PIAS1: variants seen among roughly 807,000 people sequenced by gnomAD.
PIAS1 encodes protein inhibitor of activated STAT 1, also known as E3 SUMO-protein ligase PIAS1.
In PIAS1, 6 loss-of-function variants were observed where a neutral mutation model predicts 71.3. That is an observed-to-expected ratio of 0.08 (90% CI 0.05 to 0.17). The LOEUF (loss-of-function observed/expected upper bound fraction) is 0.17. Among genes scored for constraint, PIAS1 ranks in the 10% least tolerant of loss-of-function variants. PIAS1 has a pLI of 1.00. For synonymous variants in PIAS1, 303 were observed against 292.9 expected (o/e 1.03, Z -0.35); for missense variants, 555 against 793.6 (o/e 0.70, Z 3.61).
chr15:68,092,223 G>C (rs2092337868), intron 2 of PIAS1, among the ~76,000 whole-genome samples: 1 of 151,776 alleles, frequency 6.6e-6, no homozygotes, highest in South Asian at 2.1e-4. Flanking sequence ...GCCCAGGCTG[G>C]AGTGCAGTGG....
In PIAS1 at chr15:68,188,587, C is replaced by G. The variant is rs1442190320; in HGVS notation, c.*752C>G. 6.6e-6 allele frequency: 1 copy of G among 152,196 alleles called. No homozygotes were observed. The highest frequency in any genetic ancestry group is 1.5e-5 in the Non-Finnish European group (1 of 68,034). The allele number at this position is 152,196 out of a possible 1,614,324, so 9.4% of individuals were successfully genotyped here. A position where few individuals can be genotyped will look rare whatever the true frequency, so the allele number is the denominator to read the frequency against. Reference sequence around the variant, plus strand: ...TTATCAACTATCCCAATTGCATGTTCTCCATCACATATTCTCTTATTTGCT... The same window carrying G: ...TTATCAACTATCCCAATTGCATGTTGTCCATCACATATTCTCTTATTTGCT... On this transcript the variant is annotated 3_prime_UTR_variant, in exon 14 of 14. Transcript: ENST00000249636.
Position 68,167,872 on chromosome 15 carries a change from A to G in PIAS1, c.1008+3068A>G, listed in dbSNP as rs2092967065. Among the ~76,000 whole-genome samples the G allele has an allele frequency of 6.6e-6, 1 of 151,524 alleles. No individual in the cohort carries two copies. Among genetic ancestry groups the G allele is most frequent in the Non-Finnish European group, 1.5e-5 (1 of 67,892 alleles). On this transcript the variant is annotated intron_variant, in intron 8 of 13. Coordinates refer to ENST00000249636, the MANE Select transcript of PIAS1 (RefSeq NM_016166.3). This position sits in a 1 kb window ranked among gnomAD's most constrained non-coding sequence, Gnocchi z 4.4. The stretch of plus-strand genomic sequence containing the variant: ...AGGTGCACGCCACCACGCCTGGCTA[A>G]TTTTTTGTATTTTTAGTAGAGATGG...
intron 2 of PIAS1, among the ~76,000 whole-genome samples, chr15:68,138,682 C>A (rs2092750100): frequency 6.6e-6 from 1 of 152,138 alleles, no homozygotes. Flanking sequence ...ACCATGTTGG[C>A]CTGGCTGGTC....
At position 68,187,688 on chromosome 15, in the gene PIAS1, C is replaced by T. The variant is rs773886126; in HGVS notation, c.1809C>T (p.Thr603=). The T allele has an allele frequency of 3.1e-6, 5 of 1,613,898 alleles. No individual in the cohort carries two copies. The highest frequency in any genetic ancestry group is 2.7e-5 in the African/African-American group (2 of 74,928). ...CAGGAGGCAGTACTTCTCTGCCAAC[C>T]ACCAATGGAAGCAGTAGTGGCAGTA... The part of the protein sequence containing the change: ...LSAGGSTSLP[T]TNGSSSGSNS... The change falls in exon 14 of 14, where the codon ACC becomes ACT. Residue 603 remains threonine, a synonymous_variant. Coordinates refer to ENST00000249636, the MANE Select transcript of PIAS1 (RefSeq NM_016166.3). The surrounding 1 kb of genome is among the most constrained non-coding windows in gnomAD (Gnocchi z 5.3).
chr15:68,088,079 A>G (rs1185691069), intron 2 of PIAS1, among the ~76,000 whole-genome samples: 2 of 150,424 alleles, frequency 1.3e-5, no homozygotes, highest in Admixed American at 6.6e-5. Context: ...CTTGTTTTTT[A>G]CAGAAGGAAT....
In PIAS1 at chr15:68,193,794, C is replaced by CA. The variant is rs1436590379; in HGVS notation, c.*5960dup. 8.4e-5 allele frequency: 41 copies of CA among 487,828 alleles called. No homozygotes were observed. The highest frequency in any genetic ancestry group is 1.1e-4 in the Non-Finnish European group (31 of 271,210). 30.2% of individuals were successfully genotyped at this position (487,828 alleles called of 1,614,324 possible). On this transcript the variant is annotated 3_prime_UTR_variant, in exon 14 of 14. Coordinates refer to ENST00000249636, the MANE Select transcript of PIAS1 (RefSeq NM_016166.3). ...CTTCCATGCTTGAAAGGGCCGGACT[C>CA]ACGGTAGTTAATAAAATCAATACAA...
intron 7 of PIAS1, among the ~76,000 whole-genome samples, chr15:68,163,044 GCAGA>G (rs2141075674): frequency 6.6e-6 from 1 of 152,242 alleles, no homozygotes; most frequent in South Asian, 2.1e-4. Flanking sequence ...AAACACACTC[GCAGA>G]CACTTTCAGA....
chr15:68,126,096 T>C (rs1175351704), intron 2 of PIAS1, among the ~76,000 whole-genome samples: 1 of 152,186 alleles, frequency 6.6e-6, no homozygotes, highest in Non-Finnish European at 1.5e-5. Context: ...TTTATTGCCA[T>C]ATGAACCAAT....
chr15:68,078,361 A>G (rs141261147), intron 1 of PIAS1, among the ~76,000 whole-genome samples: 295 of 152,262 alleles, frequency 1.9e-3, no homozygotes, highest in Middle Eastern at 3.4e-3. Flanking sequence ...GCGTGTTGCC[A>G]TGTCTTTTAG....
At chr15:68,062,274 C>A (rs1463064257) in intron 1 of PIAS1, among the ~76,000 whole-genome samples, 1 of 152,144 alleles carries the variant, frequency 6.6e-6, no homozygotes, top group African/African-American at 2.4e-5. Flanking sequence ...AATGGAAAGA[C>A]CTCATCATCT....
chr15:68,088,746 G>A (rs917151417), intron 2 of PIAS1, among the ~76,000 whole-genome samples: 1 of 152,094 alleles, frequency 6.6e-6, no homozygotes, highest in Non-Finnish European at 1.5e-5. Context: ...GGTGTAGGAT[G>A]AGTATATTTT....
At chr15:68,078,408 G>T (rs777183113) in intron 1 of PIAS1, among the ~76,000 whole-genome samples, 13 of 151,970 alleles carry the variant, frequency 8.6e-5, no homozygotes, top group Non-Finnish European at 1.8e-4. Flanking sequence ...TCTTATTTCA[G>T]CCATCCTATT....
At chr15:68,130,999 T>TA (rs1044159548) in intron 2 of PIAS1, among the ~76,000 whole-genome samples, 1 of 152,178 alleles carries the variant, frequency 6.6e-6, no homozygotes, top group East Asian at 1.9e-4. Flanking sequence ...AGGGTTATAT[T>TA]ACCTAGATGA....
In PIAS1 at chr15:68,164,771, T is replaced by A. The variant is rs1367337464; in HGVS notation, c.975T>A (p.Ala325=). 5 of 1,599,620 alleles carry A rather than the reference T, an allele frequency of 3.1e-6. No individual in the cohort carries two copies. Among genetic ancestry groups the A allele is most frequent in the Non-Finnish European group, 3.4e-6 (4 of 1,170,486 alleles). Reference sequence around the variant, plus strand: ...CTGCGGATCCAGACAGTGAAATAGCTACAACCAGCCTAAGGGTTTCTCTAC... The same window carrying A: ...CTGCGGATCCAGACAGTGAAATAGCAACAACCAGCCTAAGGGTTTCTCTAC... ...KLTADPDSEI[A]TTSLRVSLLC... is the part of the protein sequence containing the mutation. The change falls in exon 8 of 14, where the codon GCT becomes GCA. Residue 325 remains alanine, a synonymous_variant. Coordinates refer to ENST00000249636, the MANE Select transcript of PIAS1 (RefSeq NM_016166.3).
intron 2 of PIAS1, among the ~76,000 whole-genome samples, chr15:68,110,092 T>G (rs982134967): frequency 6.6e-6 from 1 of 152,218 alleles, no homozygotes; most frequent in African/African-American, 2.4e-5. Context: ...GAAACCGTTT[T>G]TCCTCCAGAA....
intron 1 of PIAS1, among the ~76,000 whole-genome samples, chr15:68,061,854 C>T (rs1004130753): frequency 2.0e-5 from 3 of 152,216 alleles, no homozygotes; most frequent in Admixed American, 2.0e-4. Context: ...TGTTTTGTCT[C>T]TTCAGCTGTA....
chr15:68,059,000 C>CTTT (rs35348345), intron 1 of PIAS1, among the ~76,000 whole-genome samples: 38 of 84,914 alleles, frequency 4.5e-4, no homozygotes, highest in African/African-American at 8.7e-4. Context: ...GATTATTCTA[C>CTTT]TTTTTTTTTT....
chr15:68,083,770 A>G (rs960791617), intron 1 of PIAS1, among the ~76,000 whole-genome samples: 9 of 151,882 alleles, frequency 5.9e-5, no homozygotes, highest in African/African-American at 2.2e-4. Context: ...CCTGTAAAAA[A>G]AAAAAAAAAC....
intron 1 of PIAS1, among the ~76,000 whole-genome samples, chr15:68,075,467 A>G (rs2092152307): frequency 6.6e-6 from 1 of 152,158 alleles, no homozygotes; most frequent in African/African-American, 2.4e-5. Flanking sequence ...AATTTTAATC[A>G]TAATAATCTG....
Sources: allele counts gnomAD v4.1 joint callset (sites outside exome capture counted in the v4.1 genomes callset), GRCh38; gene constraint gnomAD v4.1.1; non-coding constraint Gnocchi (gnomAD v3.1); transcripts MANE v1.5; gene names NCBI Gene and HGNC (gene_info 2026-07-23, HGNC 2026-07-21).